The following KDM4B variants were observed in gnomAD, a reference collection of about 807,000 sequenced individuals.
KDM4B encodes the protein lysine demethylase 4B.
In KDM4B, 32 loss-of-function variants were observed where a neutral mutation model predicts 125.2. The ratio of observed to expected loss-of-function variants is 0.26; its 90% CI spans 0.19 to 0.34. The LOEUF is 0.34. Ranked by LOEUF, KDM4B falls within the 10% of genes least tolerant of loss-of-function variation. KDM4B has a pLI of 1.00. For synonymous variants in KDM4B, 721 were observed against 677.9 expected (o/e 1.06, Z -0.99); for missense variants, 1,190 against 1,577.7 (o/e 0.75, Z 4.16).
chr19:5,084,632 A>C (rs1169248570), intron 9 of KDM4B, among the ~76,000 whole-genome samples: 2 of 144,860 alleles, frequency 1.4e-5, no homozygotes, highest in Non-Finnish European at 3.0e-5. Context: ...TATATATATA[A>C]ATTATATATG....
At chr19:4,980,044 G>T (rs1200855683) in intron 1 of KDM4B, among the ~76,000 whole-genome samples, 1 of 152,046 alleles carries the variant, frequency 6.6e-6, no homozygotes, top group Non-Finnish European at 1.5e-5. Context: ...GGCGGAGGCT[G>T]CAGTGAGCTG....
chr19:5,131,361 G>A lies in KDM4B; in HGVS notation c.1601G>A (p.Arg534Gln), dbSNP rs138536286. Residue 534 changes from arginine (R) to glutamine (Q), a missense_variant, in exon 12 of 23, where the codon CGG (arginine) becomes CAG (glutamine). By Grantham distance (43) the Arg-to-Gln change is conservative. This residue lies in a region of KDM4B where 428 missense variants were observed against 405.1 expected (regional missense o/e 1.06). Coordinates refer to ENST00000159111, the MANE Select transcript of KDM4B (RefSeq NM_015015.3). ...ATCCCCATGCTGTACGTGGTGCCGCGGCCGGGCAAGGCAGCCTTCAACCAG... is the reference window on the plus strand; with the variant it reads ...ATCCCCATGCTGTACGTGGTGCCGCAGCCGGGCAAGGCAGCCTTCAACCAG... ...PIIPMLYVVP[R>Q]PGKAAFNQEH... is the part of the protein sequence containing the mutation. 32 of 1,611,866 alleles carry A rather than the reference G, an allele frequency of 2.0e-5. No homozygotes were observed. Among genetic ancestry groups the A allele is most frequent in the Admixed American group, 5.0e-5 (3 of 59,922 alleles).
At chr19:4,995,005 A>G (rs764051125) in intron 1 of KDM4B, among the ~76,000 whole-genome samples, 2 of 152,156 alleles carry the variant, frequency 1.3e-5, no homozygotes, top group African/African-American at 4.8e-5. Context: ...AATCAGTTCA[A>G]TGGCTTGGGT....
intron 10 of KDM4B, chr19:5,112,013 G>A (rs1452319567): frequency 5.2e-6 from 3 of 571,698 alleles, no homozygotes; most frequent in Non-Finnish European, 9.5e-6. Context: ...CTGCACTTTG[G>A]AGGCCAAGGA....
intron 18 of KDM4B, chr19:5,138,468 C>T (rs1273405069): frequency 1.0e-5 from 2 of 194,822 alleles, no homozygotes; most frequent in African/African-American, 4.7e-5. Flanking sequence ...GCCTGGGCAA[C>T]ACGATGAGAC....
At chr19:4,970,053 T>TC (rs1164399705) in intron 1 of KDM4B, among the ~76,000 whole-genome samples, 1 of 151,708 alleles carries the variant, frequency 6.6e-6, no homozygotes, top group Non-Finnish European at 1.5e-5. Flanking sequence ...CCCGTGGACA[T>TC]CCCCCTGGGA....
At position 5,135,395 on chromosome 19, in the gene KDM4B, C is replaced by T. The variant is rs141851941; in HGVS notation, c.2142C>T (p.Ala714=). ...CCTCCCTCGGAGAGGGCTGCCCGGCCACATTACCCTCCAAAAGCCGTCAGA... is the reference window on the plus strand; with the variant it reads ...CCTCCCTCGGAGAGGGCTGCCCGGCTACATTACCCTCCAAAAGCCGTCAGA... ...PIASLGEGCP[A]TLPSKSRQKT... is the part of the protein sequence containing the mutation. The change falls in exon 15 of 23, where the codon GCC becomes GCT. Residue 714 remains alanine, a synonymous_variant. Coordinates refer to ENST00000159111, the MANE Select transcript of KDM4B (RefSeq NM_015015.3). 329 of 1,613,500 alleles carry T rather than the reference C, an allele frequency of 2.0e-4. No homozygotes were observed. The highest frequency in any genetic ancestry group is 2.3e-4 in the Non-Finnish European group (266 of 1,179,998).
intron 1 of KDM4B, among the ~76,000 whole-genome samples, chr19:5,009,446 G>T (rs376498160): frequency 6.6e-6 from 1 of 152,164 alleles, no homozygotes; most frequent in Non-Finnish European, 1.5e-5. Context: ...ATGTGGTGGT[G>T]TCCACTTGGT....
intron 1 of KDM4B, among the ~76,000 whole-genome samples, chr19:4,981,714 C>T (rs959819860): frequency 6.6e-6 from 1 of 152,170 alleles, no homozygotes; most frequent in African/African-American, 2.4e-5. Flanking sequence ...TGCCAAGCCC[C>T]ACCTCTTCCC....
intron 2 of KDM4B, among the ~76,000 whole-genome samples, chr19:5,028,665 G>A (rs1199577941): frequency 6.6e-6 from 1 of 152,200 alleles, no homozygotes; most frequent in Non-Finnish European, 1.5e-5. Flanking sequence ...GTCTTGCAGA[G>A]CAGCTGTCCC....
chr19:5,002,943 C>G (rs1003730453), intron 1 of KDM4B, among the ~76,000 whole-genome samples: 14 of 152,072 alleles, frequency 9.2e-5, no homozygotes, highest in African/African-American at 3.4e-4. Flanking sequence ...AGAGCGAGAC[C>G]CTGTCTCAAC....
At chr19:5,101,222 CAAAAAAA>C (rs751379008) in intron 9 of KDM4B, among the ~76,000 whole-genome samples, 7 of 85,656 alleles carry the variant, frequency 8.2e-5, no homozygotes, top group Non-Finnish European at 1.4e-4. Context: ...GACTCCGTCT[CAAAAAAA>C]AAAAAAAAAA....
intron 2 of KDM4B, among the ~76,000 whole-genome samples, chr19:5,024,581 C>T (rs1030102645): frequency 2.6e-5 from 4 of 151,860 alleles, no homozygotes; most frequent in African/African-American, 4.8e-5. Context: ...GTCATGGTCA[C>T]AGCAGGAGGG....
At chr19:5,060,212 G>T (rs1212739080) in intron 6 of KDM4B, among the ~76,000 whole-genome samples, 1 of 152,104 alleles carries the variant, frequency 6.6e-6, no homozygotes, top group Non-Finnish European at 1.5e-5. Flanking sequence ...GGCCAAGGTG[G>T]GCGGATCACC....
chr19:5,111,515 G>A, intron 10 of KDM4B: 1 of 765,102 alleles, frequency 1.3e-6, no homozygotes, highest in Non-Finnish European at 2.4e-6. Context: ...CCCGGCCTAG[G>A]AGGAGATCCA....
At chr19:5,050,395 C>A (rs1324354782) in intron 6 of KDM4B, among the ~76,000 whole-genome samples, 1 of 152,264 alleles carries the variant, frequency 6.6e-6, no homozygotes, top group Non-Finnish European at 1.5e-5. Flanking sequence ...AGAGCCAGCA[C>A]CTGCAACTTC....
intron 18 of KDM4B, among the ~76,000 whole-genome samples, chr19:5,139,843 C>T (rs1354049634): frequency 4.6e-5 from 7 of 152,230 alleles, no homozygotes; most frequent in African/African-American, 1.4e-4. Flanking sequence ...CGTAGATGCG[C>T]GCAGCCACCT....
intron 15 of KDM4B, 74 bp from the exon 16 acceptor site, chr19:5,137,188 T>G (rs1376345941): frequency 1.9e-6 from 2 of 1,027,110 alleles, no homozygotes; most frequent in Non-Finnish European, 2.9e-6. Context: ...ACCCGGCCCC[T>G]CCCCCTGAGT....
In KDM4B at chr19:5,115,493, A is replaced by T. The variant is rs2039237815; in HGVS notation, c.1116-4160A>T. 6.6e-6 allele frequency among the ~76,000 whole-genome samples: 1 copy of T among 152,202 alleles called. No individual in the cohort carries two copies. The highest frequency in any genetic ancestry group is 2.4e-5 in the African/African-American group (1 of 41,456). On this transcript the variant is annotated intron_variant, in intron 10 of 22. Coordinates refer to ENST00000159111, the MANE Select transcript of KDM4B (RefSeq NM_015015.3). This position sits in a 1 kb window ranked among gnomAD's most constrained non-coding sequence, Gnocchi z 4.2. The stretch of plus-strand genomic sequence containing the variant: ...TATGCTGATACTGGGGCTCTCCTAA[A>T]GTCACAGGCTCCTGCCCTCAGCAGC...
Sources: allele counts gnomAD v4.1 joint callset (sites outside exome capture counted in the v4.1 genomes callset), GRCh38; gene constraint gnomAD v4.1.1; regional missense constraint gnomAD v4.1.1; non-coding constraint Gnocchi (gnomAD v3.1); transcripts MANE v1.5; gene names NCBI Gene and HGNC (gene_info 2026-07-23, HGNC 2026-07-21).